Variants in ARHGEF28 observed in about 807,000 individuals in gnomAD.
ARHGEF28 encodes 190 kDa guanine nucleotide exchange factor.
Under a neutral mutation model 206.6 loss-of-function variants are expected in ARHGEF28, and 152 were observed. The observed-to-expected ratio is 0.74, with a 90% confidence interval of 0.64 to 0.84. ARHGEF28 has a LOEUF of 0.84. Ranked by LOEUF, ARHGEF28 falls within the 40% of genes least tolerant of loss-of-function variation. The pLI, the probability that ARHGEF28 is intolerant of heterozygous loss-of-function variation, is 0.00. For missense variants in ARHGEF28, 2,028 were observed against 2,073.2 expected, an observed-to-expected ratio of 0.98 and a Z score of 0.42; for synonymous variants, 763 against 776.4, an observed-to-expected ratio of 0.98 and a Z score of 0.29.
chr5:73,841,432 G>A (rs929876908), intron 11 of ARHGEF28, among the ~76,000 whole-genome samples: 15 of 152,116 alleles, frequency 9.9e-5, no homozygotes, highest in Admixed American at 7.2e-4. Context: ...GAGGCCTGGC[G>A]TGGTGGCTCA....
rs1253019184 is a variant in ARHGEF28, at chr5:73,940,984, G to A, written c.5089G>A (p.Gly1697Arg). ...MTRQDGETGDGAKENIVYL is the reference protein window; with the variant it reads ...MTRQDGETGDRAKENIVYL ...CAGACAAGATGGGGAAACTGGAGAT[G>A]GAGCCAAAGAAAATATTGTTTACCT... Residue 1697 changes from glycine to arginine, a missense_variant, in exon 36 of 36, where the codon GGA becomes AGA. Physicochemically the swap from Gly to Arg is moderately radical, Grantham distance 125 (BLOSUM62 -2). This residue lies in a region of ARHGEF28 where 803 missense variants were observed against 768.0 expected (regional missense o/e 1.05). Coordinates refer to ENST00000513042, the MANE Select transcript of ARHGEF28 (RefSeq NM_001177693.2). 7.2e-6 allele frequency: 11 copies of A among 1,522,328 alleles called. 1 individual carries two copies. The Admixed American group carries it at 1.7e-4, about 24-fold the overall frequency. 94.3% of individuals were successfully genotyped at this position (1,522,328 alleles called of 1,614,324 possible).
At chr5:73,889,282 A>C (rs768093418) in intron 26 of ARHGEF28, among the ~76,000 whole-genome samples, 1 of 152,220 alleles carries the variant, frequency 6.6e-6, no homozygotes, top group Non-Finnish European at 1.5e-5. Context: ...TGTTACAGAA[A>C]ACGTGATGAA....
At chr5:73,714,714 C>A (rs1478475669) in intron 2 of ARHGEF28, among the ~76,000 whole-genome samples, 1 of 152,120 alleles carries the variant, frequency 6.6e-6, no homozygotes, top group Non-Finnish European at 1.5e-5. Context: ...TAAGAGTATA[C>A]ATGATAAATT....
At chr5:73,757,792 G>A (rs1251039271) in intron 4 of ARHGEF28, among the ~76,000 whole-genome samples, 2 of 152,196 alleles carry the variant, frequency 1.3e-5, no homozygotes, top group Non-Finnish European at 2.9e-5. Context: ...AGTGCCTTGT[G>A]CAGGGTCTCA....
chr5:73,638,299 T>C (rs190222935), intron 1 of ARHGEF28, among the ~76,000 whole-genome samples: 332 of 152,342 alleles, frequency 2.2e-3, no homozygotes, highest in African/African-American at 7.4e-3. Flanking sequence ...ATGCTTGCCA[T>C]GACTTTACAT....
chr5:73,704,955 A>C (rs1159466468), intron 2 of ARHGEF28, among the ~76,000 whole-genome samples: 1 of 152,148 alleles, frequency 6.6e-6, no homozygotes, highest in African/African-American at 2.4e-5. Flanking sequence ...ACTATTTGTC[A>C]ATCTTTAACA....
At chr5:73,788,368 TA>T (rs1475757224) in intron 7 of ARHGEF28, among the ~76,000 whole-genome samples, 1 of 152,274 alleles carries the variant, frequency 6.6e-6, no homozygotes, top group East Asian at 1.9e-4. Flanking sequence ...AAACTCAGAT[TA>T]GGGGCACCAA....
chr5:73,695,263 G>A (rs1196902693), intron 2 of ARHGEF28, among the ~76,000 whole-genome samples: 1 of 152,180 alleles, frequency 6.6e-6, no homozygotes, highest in Non-Finnish European at 1.5e-5. Flanking sequence ...TTCAATGTTC[G>A]TGAACTCTGC....
chr5:73,870,347 G>C (rs188038488), intron 21 of ARHGEF28, 138 bp downstream of exon 21: 10 of 1,083,418 alleles, frequency 9.2e-6, no homozygotes, highest in African/African-American at 1.6e-5. Context: ...AAATTATTTA[G>C]ATCACCTAGA....
intron 35 of ARHGEF28, among the ~76,000 whole-genome samples, chr5:73,913,164 G>A (rs1480526457): frequency 2.0e-5 from 3 of 152,166 alleles, no homozygotes; most frequent in Non-Finnish European, 4.4e-5. Flanking sequence ...ATGTACTTAC[G>A]CTTAAGAAAT....
At position 73,870,136 on chromosome 5, in the gene ARHGEF28, G is replaced by A. The variant is rs182538676; in HGVS notation, c.2493G>A (p.Trp831Ter). The change falls in exon 21 of 36, where the codon TGG becomes TGA. Residue 831 changes from tryptophan to a stop codon, truncating the protein, a stop_gained. Coordinates refer to ENST00000513042, the MANE Select transcript of ARHGEF28 (RefSeq NM_001177693.2). LOFTEE classifies it high-confidence loss of function. ...CCCAGGAGTTTGAAGCAGAATCTTG[G>A]AGTCTTGTGGTGGATCCCTCATTTT... ...SDAQEFEAES[W>*]SLVVDPSFCN... 6.2e-7 allele frequency: 1 copy of A among 1,613,950 alleles called. No individual in the cohort carries two copies.
Position 73,865,985 on chromosome 5 carries a change from C to G in ARHGEF28, c.2124C>G (p.Asn708Lys), listed in dbSNP as rs1323262786. The G allele has an allele frequency of 4.4e-6, 7 of 1,603,104 alleles. No individual in the cohort carries two copies. In the South Asian group the frequency reaches 6.7e-5, roughly 15 times the overall value. ...ACTKKFQEKY[N>K]KNKPQTILGN... ...ACCAGAAATTCCAAGAGAAATATAA[C>G]AAGAACAAACCACAGACCATCCTTG... Residue 708 changes from asparagine (N) to lysine (K), a missense_variant, in exon 18 of 36, where the codon AAC (asparagine) becomes AAG (lysine). Around this residue, in one of 3 missense-constraint regions of ARHGEF28, gnomAD observed 1,002 missense variants for 1,015.3 expected, o/e 0.99. Transcript: ENST00000513042.
At chr5:73,815,211 T>G (rs1181798472) in intron 9 of ARHGEF28, among the ~76,000 whole-genome samples, 2 of 148,566 alleles carry the variant, frequency 1.3e-5, no homozygotes, top group Non-Finnish European at 3.0e-5. Flanking sequence ...TATATATATA[T>G]GAGCACAAGC....
chr5:73,892,029 G>A, intron 26 of ARHGEF28, 23 bp from the exon 27 acceptor site: 1 of 1,584,398 alleles, frequency 6.3e-7, no homozygotes, highest in East Asian at 2.3e-5. Context: ...TGTTTCATCT[G>A]CTCACCTTCC....
intron 1 of ARHGEF28, among the ~76,000 whole-genome samples, chr5:73,644,976 C>A (rs1744340830): frequency 6.6e-6 from 1 of 151,872 alleles, no homozygotes; most frequent in Non-Finnish European, 1.5e-5. Context: ...TGCGGAGTTT[C>A]TTCTGTGTAA....
intron 35 of ARHGEF28, chr5:73,911,794 A>C (rs1449315109): frequency 1.9e-6 from 1 of 528,622 alleles, no homozygotes; most frequent in Middle Eastern, 5.0e-4. Flanking sequence ...CATAGGGCTT[A>C]GAGAATGCTC....
chr5:73,933,105 C>T lies in ARHGEF28; in HGVS notation c.4949-7739C>T, dbSNP rs146800757. 8.1e-3 allele frequency among the ~76,000 whole-genome samples: 1,240 copies of T among 152,182 alleles called. 10 individuals carry two copies. The highest frequency in any genetic ancestry group is 0.028 in the African/African-American group (1,147 of 41,512). ...GATTACAGGCGTGAGCCACCGTGCC[C>T]GGCCTATTTCCTATTTCTTACATAT... On this transcript the variant is annotated intron_variant, in intron 35 of 35. Transcript: ENST00000513042.
intron 4 of ARHGEF28, among the ~76,000 whole-genome samples, chr5:73,757,755 T>C (rs1449452557): frequency 1.3e-5 from 2 of 152,200 alleles, no homozygotes; most frequent in Non-Finnish European, 2.9e-5. Flanking sequence ...ATTAAGACCA[T>C]TCCTTTTATG....
intron 7 of ARHGEF28, among the ~76,000 whole-genome samples, chr5:73,791,345 A>G (rs1012602363): frequency 6.6e-6 from 1 of 152,218 alleles, no homozygotes; most frequent in African/African-American, 2.4e-5. Context: ...GAACACTACC[A>G]TCAGGGTGTT....
Sources: gnomAD v4.1 joint callset for allele counts (sites outside exome capture counted in the v4.1 genomes callset) on GRCh38, gnomAD v4.1.1 for gene constraint, gnomAD v4.1.1 regional missense constraint, MANE v1.5 for transcripts, NCBI Gene and HGNC (gene_info 2026-07-23, HGNC 2026-07-21) for gene names.